PDE4D: variants seen among roughly 807,000 people sequenced by gnomAD.
PDE4D encodes phosphodiesterase 4D, also known as 3',5'-cyclic-AMP phosphodiesterase 4D.
A neutral mutation model predicts 87.4 loss-of-function variants in PDE4D; 24 were observed. The ratio of observed to expected loss-of-function variants is 0.27; its 90% CI spans 0.20 to 0.39. PDE4D has a LOEUF of 0.39. Among genes scored for constraint, PDE4D ranks in the 10% least tolerant of loss-of-function variants. The pLI is 1.00. For missense variants in PDE4D, 714 were observed against 1,041.0 expected, an observed-to-expected ratio of 0.69 and a Z score of 4.32; for synonymous variants, 384 against 383.2, an observed-to-expected ratio of 1.00 and a Z score of -0.02.
chr5:59,775,817 A>T (rs1259642738), intron 1 of PDE4D, among the ~76,000 whole-genome samples: 1 of 152,184 alleles, frequency 6.6e-6, no homozygotes, highest in Non-Finnish European at 1.5e-5. Flanking sequence ...CAAGGAACAC[A>T]TTTCCTTATC....
rs1743296253 is a variant in PDE4D, at chr5:58,974,779, T to C, written c.2315A>G (p.Asp772Gly). 6.2e-7 allele frequency: 1 copy of C among 1,613,664 alleles called. No homozygotes were observed. The highest frequency in any genetic ancestry group is 1.3e-5 in the African/African-American group (1 of 75,020). Reference sequence around the variant, plus strand: ...AAGGGGAATTTCAGTAGACTCTGAGTCTTGAGTACAAAGAGTCTTGGAGTC... The same window carrying C: ...AAGGGGAATTTCAGTAGACTCTGAGCCTTGAGTACAAAGAGTCTTGGAGTC... ...CSDSKTLCTQDSESTEIPLDE... is the reference protein window; with the variant it reads ...CSDSKTLCTQGSESTEIPLDE... Residue 772 changes from aspartate (D) to glycine (G), a missense_variant, in exon 15 of 15, where the codon GAC (aspartate) becomes GGC (glycine). This residue lies in a region of PDE4D where 90 missense variants were observed against 95.3 expected (regional missense o/e 0.94). Coordinates refer to ENST00000340635, the MANE Select transcript of PDE4D (RefSeq NM_001104631.2).
intron 1 of PDE4D, among the ~76,000 whole-genome samples, chr5:60,206,950 C>T (rs577641491): frequency 6.6e-6 from 1 of 152,268 alleles, no homozygotes; most frequent in East Asian, 1.9e-4. Flanking sequence ...TTGTGTGGTA[C>T]ACCTGATAAG....
chr5:60,010,277 G>A (rs1025235543), intron 2 of PDE4D, among the ~76,000 whole-genome samples: 1 of 152,128 alleles, frequency 6.6e-6, no homozygotes, highest in African/African-American at 2.4e-5. Context: ...CCCACCGCAT[G>A]CAGTAATTGT....
intron 1 of PDE4D, among the ~76,000 whole-genome samples, chr5:59,770,220 T>C (rs555869249): frequency 6.6e-6 from 1 of 152,316 alleles, no homozygotes; most frequent in African/African-American, 2.4e-5. Context: ...TGTGTGTGCA[T>C]GTGTGTGTGT....
At chr5:60,279,341 G>A (rs1159723431) in intron 1 of PDE4D, among the ~76,000 whole-genome samples, 1 of 152,158 alleles carries the variant, frequency 6.6e-6, no homozygotes, top group African/African-American at 2.4e-5. Flanking sequence ...GAATTACCAT[G>A]TGGTCTCCAC....
intron 1 of PDE4D, among the ~76,000 whole-genome samples, chr5:59,492,738 T>C (rs1806446607): frequency 6.6e-6 from 1 of 152,174 alleles, no homozygotes; most frequent in African/African-American, 2.4e-5. Context: ...AATCTCATCT[T>C]GGATTGTAGC....
intron 1 of PDE4D, among the ~76,000 whole-genome samples, chr5:59,349,526 T>C (rs1203881144): frequency 6.6e-6 from 1 of 152,180 alleles, no homozygotes; most frequent in Non-Finnish European, 1.5e-5. Flanking sequence ...ATCCACTTCA[T>C]GACTTAAGGA....
chr5:59,157,284 G>A, intron 5 of PDE4D: 2 of 701,952 alleles, frequency 2.8e-6, no homozygotes, highest in African/African-American at 1.7e-5. Context: ...TAGTTTTCAA[G>A]GTCAGCCAAA....
chr5:60,234,621 T>C (rs1746213030), intron 1 of PDE4D, among the ~76,000 whole-genome samples: 1 of 151,876 alleles, frequency 6.6e-6, no homozygotes, highest in South Asian at 2.1e-4. Context: ...GGATTTGTGG[T>C]CATTCTTATT....
intron 1 of PDE4D, chr5:60,459,956 C>T: frequency 1.3e-6 from 1 of 760,060 alleles, no homozygotes; most frequent in Non-Finnish European, 2.4e-6. Flanking sequence ...CCTTCCTCCT[C>T]TTCATCATCA....
At chr5:59,002,972 C>A (rs186347718) in intron 6 of PDE4D, among the ~76,000 whole-genome samples, 1 of 152,196 alleles carries the variant, frequency 6.6e-6, no homozygotes, top group Admixed American at 6.5e-5. Context: ...TGACAATGAT[C>A]ATTATGATAA....
intron 6 of PDE4D, among the ~76,000 whole-genome samples, chr5:59,020,179 A>G (rs1035823408): frequency 6.6e-6 from 1 of 152,214 alleles, no homozygotes; most frequent in Non-Finnish European, 1.5e-5. Flanking sequence ...ATTTCATTCA[A>G]AAGTGATGAT....
At chr5:59,761,933 C>T (rs1391028336) in intron 1 of PDE4D, among the ~76,000 whole-genome samples, 1 of 152,008 alleles carries the variant, frequency 6.6e-6, no homozygotes, top group Non-Finnish European at 1.5e-5. Flanking sequence ...CACCAGCATG[C>T]CCACAAACAC....
chr5:60,157,128 T>G (rs1782044922), intron 2 of PDE4D, among the ~76,000 whole-genome samples: 1 of 152,210 alleles, frequency 6.6e-6, no homozygotes. Flanking sequence ...TTTGTTTTGC[T>G]TCACCTTCAT....
At chr5:59,586,454 C>A in intron 1 of PDE4D, 1 of 1,546,976 alleles carries the variant, frequency 6.5e-7, no homozygotes. Flanking sequence ...AATTCCAACT[C>A]TCTTGTTTGA....
chr5:59,586,498 T>G, intron 1 of PDE4D: 1 of 1,255,862 alleles, frequency 8.0e-7, no homozygotes, highest in Non-Finnish European at 9.9e-7. Context: ...CAACAAGTAT[T>G]GAATCCCAAA....
intron 1 of PDE4D, among the ~76,000 whole-genome samples, chr5:59,512,018 CAT>C: frequency 6.6e-6 from 1 of 152,216 alleles, no homozygotes; most frequent in Middle Eastern, 3.4e-3. Context: ...ATAAACAAAA[CAT>C]AACACAGGTG....
At chr5:60,345,956 C>G (rs1470884955) in intron 1 of PDE4D, among the ~76,000 whole-genome samples, 5 of 151,586 alleles carry the variant, frequency 3.3e-5, no homozygotes, top group Non-Finnish European at 7.4e-5. Flanking sequence ...TGTTCATAGT[C>G]TCTTAACAAA....
intron 1 of PDE4D, chr5:60,521,263 C>T (rs1561330624): frequency 2.0e-5 from 3 of 152,176 alleles, no homozygotes; most frequent in South Asian, 2.1e-4. Flanking sequence ...CCCCAGGAGA[C>T]ATCATCTTAA....
Sources: allele counts gnomAD v4.1 joint callset (sites outside exome capture counted in the v4.1 genomes callset), GRCh38; gene constraint gnomAD v4.1.1; regional missense constraint gnomAD v4.1.1; transcripts MANE v1.5; gene names NCBI Gene and HGNC (gene_info 2026-07-23, HGNC 2026-07-21).